Variants in CADPS2 observed in about 807,000 individuals in gnomAD.
CADPS2 encodes the protein calcium dependent secretion activator 2.
In CADPS2, 93 loss-of-function variants were observed where a neutral mutation model predicts 172.5. That is an observed-to-expected ratio of 0.54 (90% CI 0.46 to 0.64). The LOEUF (loss-of-function observed/expected upper bound fraction) is 0.64, where lower values mean the gene tolerates loss of function less well. Ranked by LOEUF, CADPS2 falls within the 30% of genes least tolerant of loss-of-function variation. The pLI, the probability that CADPS2 is intolerant of heterozygous loss-of-function variation, is 0.00. For missense variants in CADPS2, 1,420 were observed against 1,565.9 expected, an observed-to-expected ratio of 0.91 and a Z score of 1.57; for synonymous variants, 546 against 555.2, an observed-to-expected ratio of 0.98 and a Z score of 0.23.
At chr7:122,661,611 T>C (rs192723466) in intron 3 of CADPS2, among the ~76,000 whole-genome samples, 499 of 152,304 alleles carry the variant, frequency 3.3e-3, no homozygotes, top group Non-Finnish European at 4.3e-3. Flanking sequence ...ATAAAGAGCT[T>C]GAAAGTCATC....
intron 1 of CADPS2, among the ~76,000 whole-genome samples, chr7:122,837,527 A>C (rs893652264): frequency 3.3e-5 from 5 of 152,118 alleles, no homozygotes; most frequent in Non-Finnish European, 7.4e-5. Flanking sequence ...TTGATAGACC[A>C]CTAGCAAGAC....
chr7:122,723,777 A>C (rs557428955), intron 2 of CADPS2, among the ~76,000 whole-genome samples: 16 of 152,206 alleles, frequency 1.1e-4, no homozygotes, highest in South Asian at 8.3e-4. Context: ...TGGAACCAAC[A>C]CAAATGTCCA....
intron 1 of CADPS2, among the ~76,000 whole-genome samples, chr7:122,807,328 C>T (rs1219023130): frequency 6.6e-6 from 1 of 152,188 alleles, no homozygotes; most frequent in Admixed American, 6.5e-5. Context: ...TCCATGTGTC[C>T]ATCCACCAGG....
intron 8 of CADPS2, among the ~76,000 whole-genome samples, chr7:122,533,026 C>T (rs2061916080): frequency 6.6e-6 from 1 of 151,900 alleles, no homozygotes; most frequent in Admixed American, 6.6e-5. Flanking sequence ...TGCTCCGCAC[C>T]CCCACCCCCA....
intron 1 of CADPS2, among the ~76,000 whole-genome samples, chr7:122,792,435 G>A (rs527848968): frequency 2.8e-4 from 42 of 152,194 alleles, no homozygotes; most frequent in African/African-American, 8.4e-4. Context: ...CAGGAAGCAC[G>A]GCCTCACGAG....
intron 1 of CADPS2, among the ~76,000 whole-genome samples, chr7:122,816,412 T>C (rs1251759442): frequency 2.0e-5 from 3 of 152,214 alleles, no homozygotes; most frequent in Non-Finnish European, 4.4e-5. Flanking sequence ...TGTGGGTACA[T>C]GTGCACATTT....
At chr7:122,590,211 G>A (rs572323279) in intron 6 of CADPS2, among the ~76,000 whole-genome samples, 20 of 151,902 alleles carry the variant, frequency 1.3e-4, no homozygotes, top group African/African-American at 2.4e-4. Context: ...CACATGTCCC[G>A]ATTTCAAAAC....
chr7:122,707,551 G>C (rs1039035641), intron 2 of CADPS2, among the ~76,000 whole-genome samples: 11 of 152,016 alleles, frequency 7.2e-5, no homozygotes, highest in African/African-American at 2.7e-4. Context: ...ACAAGTGTCA[G>C]TATCCAGAGC....
chr7:122,789,865 G>A (rs1328840217), intron 1 of CADPS2, among the ~76,000 whole-genome samples: 1 of 152,056 alleles, frequency 6.6e-6, no homozygotes, highest in African/African-American at 2.4e-5. Flanking sequence ...AAACATAGGA[G>A]CAATGCTGAT....
chr7:122,607,367 T>C (rs918868205), intron 6 of CADPS2, among the ~76,000 whole-genome samples: 9 of 152,128 alleles, frequency 5.9e-5, no homozygotes, highest in African/African-American at 2.2e-4. Context: ...TACCTAAGGA[T>C]TGTGCTGTGG....
intron 9 of CADPS2, among the ~76,000 whole-genome samples, chr7:122,499,527 T>C (rs1459531739): frequency 9.9e-5 from 15 of 152,220 alleles, no homozygotes. Flanking sequence ...AAAGGAATTC[T>C]TAATATTACC....
At chr7:122,353,231 C>T (rs901154884) in intron 27 of CADPS2, among the ~76,000 whole-genome samples, 4 of 152,102 alleles carry the variant, frequency 2.6e-5, no homozygotes, top group East Asian at 1.9e-4. Flanking sequence ...GGAAAATGAA[C>T]GGAGATCCTC....
chr7:122,851,327 G>A (rs1813544763), intron 1 of CADPS2, among the ~76,000 whole-genome samples: 1 of 152,126 alleles, frequency 6.6e-6, no homozygotes, highest in Non-Finnish European at 1.5e-5. Flanking sequence ...TAGAGGACAG[G>A]AATGGGTCTA....
intron 19 of CADPS2, among the ~76,000 whole-genome samples, chr7:122,413,707 G>A (rs532576560): frequency 6.6e-6 from 1 of 152,286 alleles, no homozygotes; most frequent in South Asian, 2.1e-4. Context: ...CACTCTGGAA[G>A]TCAGTCTGGA....
intron 1 of CADPS2, among the ~76,000 whole-genome samples, chr7:122,836,207 T>C (rs958887931): frequency 6.6e-6 from 1 of 151,924 alleles, no homozygotes; most frequent in Admixed American, 6.6e-5. Context: ...AGAAATAAAA[T>C]CCTTTACAGA....
chr7:122,632,315 A>C (rs1461722063), intron 3 of CADPS2, among the ~76,000 whole-genome samples: 1 of 152,178 alleles, frequency 6.6e-6, no homozygotes, highest in Non-Finnish European at 1.5e-5. Context: ...AATTTGGATT[A>C]CCACCCACAG....
At chr7:122,574,202 C>G (rs2067654997) in intron 7 of CADPS2, among the ~76,000 whole-genome samples, 1 of 151,530 alleles carries the variant, frequency 6.6e-6, no homozygotes, top group Admixed American at 6.6e-5. Flanking sequence ...TCCAAGCAAT[C>G]TGGGGGGCTG....
chr7:122,454,989 C>CTT (rs2053586692), intron 14 of CADPS2, among the ~76,000 whole-genome samples: 1 of 152,160 alleles, frequency 6.6e-6, no homozygotes, highest in Admixed American at 6.5e-5. Flanking sequence ...CCTCTTCAAC[C>CTT]ATCAGTCATT....
In CADPS2 at chr7:122,554,608, C is replaced by T; in HGVS notation, c.1417G>A (p.Asp473Asn). The T allele has an allele frequency of 6.2e-7, 1 of 1,611,768 alleles. No homozygotes were observed. Among genetic ancestry groups the T allele is most frequent in the Admixed American group, 1.7e-5 (1 of 59,774 alleles). The change falls in exon 8 of 30, where the codon GAC becomes AAC. Residue 473 changes from aspartate (D) to asparagine (N), a missense_variant. Physicochemically the swap from Asp to Asn is conservative, Grantham distance 23 (BLOSUM62 1). Transcript: ENST00000449022. ...MVVPKNSQDS[D>N]LKIKLAVRMD... is the part of the protein sequence containing the mutation. ...CGCACTGCCAGTTTGATTTTTAAGT[C>T]AGAATCCTGGCTATTTTTTGGAACT...
Sources: gnomAD v4.1 joint callset for allele counts (sites outside exome capture counted in the v4.1 genomes callset) on GRCh38, gnomAD v4.1.1 for gene constraint, MANE v1.5 for transcripts, NCBI Gene and HGNC (gene_info 2026-07-23, HGNC 2026-07-21) for gene names.